The following F5 variants were observed in gnomAD, a reference collection of about 807,000 sequenced individuals.
The protein encoded by F5 is coagulation factor V.
F5 carries 138 observed loss-of-function variants against 216.4 expected under a neutral mutation model. The ratio of observed to expected loss-of-function variants is 0.64; its 90% confidence interval spans 0.56 to 0.73. The LOEUF (loss-of-function observed/expected upper bound fraction) is 0.73, where lower values mean the gene tolerates loss of function less well. Ranked by LOEUF, F5 falls within the 30% of genes least tolerant of loss-of-function variation. The pLI is 0.00. For missense variants in F5, 2,403 were observed against 2,674.0 expected (o/e 0.90, Z 2.24); for synonymous variants, 916 against 930.7 (o/e 0.98, Z 0.29).
chr1:169,556,634 A>G lies in F5; in HGVS notation c.952+12T>C, dbSNP rs751319450. On this transcript the variant is annotated intron_variant, in intron 6 of 24. Transcript: ENST00000367797. The stretch of plus-strand genomic sequence containing the variant: ...TGCATTGAGAAGCAAGACTGTCAGG[A>G]GAGTTTCTTGCCTTGCAAATGTTTT... 13 of 1,611,618 alleles carry G rather than the reference A, an allele frequency of 8.1e-6. No individual in the cohort carries two copies. Among genetic ancestry groups the G allele is most frequent in the Non-Finnish European group, 1.1e-5 (13 of 1,177,982 alleles).
At position 169,514,409 on chromosome 1, in the gene F5, G is replaced by T. The variant is rs745340966; in HGVS notation, c.6579C>A (p.Asn2193Lys). The T allele has an allele frequency of 1.9e-6, 3 of 1,613,090 alleles. No individual in the cohort carries two copies. The highest frequency in any genetic ancestry group is 2.7e-5 in the African/African-American group (2 of 74,846). The change falls in exon 25 of 25, where the codon AAC becomes AAA. Residue 2193 changes from asparagine (N) to lysine (K), a missense_variant. Asn to Lys is a moderately conservative substitution (Grantham distance 94, BLOSUM62 0). Around this residue, in one of 4 missense-constraint regions of F5, gnomAD observed 659 missense variants for 787.9 expected, o/e 0.84. Coordinates refer to ENST00000367797, the MANE Select transcript of F5 (RefSeq NM_000130.5). ...NTKGHVKNFF[N>K]PPIISRFIRV... Reference sequence around the variant, plus strand: ...GGATAAACCTGGAAATGATTGGGGGGTTGAAAAAGTTCTTCACATGTCCTT... The same window carrying T: ...GGATAAACCTGGAAATGATTGGGGGTTTGAAAAAGTTCTTCACATGTCCTT...
At chr1:169,569,995 C>T (rs868857533) in intron 3 of F5, among the ~76,000 whole-genome samples, 1 of 152,138 alleles carries the variant, frequency 6.6e-6, no homozygotes, top group Middle Eastern at 3.4e-3. Context: ...ATAATAAAAT[C>T]AACTTATAAG....
intron 4 of F5, 104 bp downstream of exon 4, chr1:169,560,450 G>T: frequency 9.4e-7 from 1 of 1,063,566 alleles, no homozygotes; most frequent in Non-Finnish European, 1.4e-6. Flanking sequence ...TCCTCTGCTT[G>T]ATGTACAAGA....
At chr1:169,534,360 T>C (rs1009316506) in intron 14 of F5, among the ~76,000 whole-genome samples, 3 of 152,100 alleles carry the variant, frequency 2.0e-5, no homozygotes, top group Non-Finnish European at 2.9e-5. Context: ...ACTGGGTATA[T>C]AGCCAAAAAA....
At chr1:169,520,461 C>G in intron 22 of F5, 59 bp downstream of exon 22, 2 of 1,605,410 alleles carry the variant, frequency 1.2e-6, no homozygotes, top group South Asian at 2.2e-5. Context: ...TTCTCCTATA[C>G]CTCCCAAATC....
In F5 at chr1:169,550,676, G is replaced by T; in HGVS notation, c.1360C>A (p.Pro454Thr). Reference protein sequence around the residue: ...SIYPHGVTFSPYEDEVNSSFT... With the variant: ...SIYPHGVTFSTYEDEVNSSFT... ...GAAGAGTTGACTTCATCTTCATAAG[G>T]CGAGAAGGTCACTCCATGAGGGTAA... Residue 454 changes from proline (P) to threonine (T), a missense_variant, in exon 9 of 25, where the codon CCT becomes ACT. Pro to Thr is a conservative substitution (Grantham distance 38). Transcript: ENST00000367797. 6.2e-7 allele frequency: 1 copy of T among 1,614,012 alleles called. No homozygotes were observed. Among genetic ancestry groups the T allele is most frequent in the African/African-American group, 1.3e-5 (1 of 75,018 alleles).
In F5 at chr1:169,541,728, A is replaced by C; in HGVS notation, c.3362T>G (p.Val1121Gly). The C allele has an allele frequency of 3.7e-6, 6 of 1,614,026 alleles. No individual in the cohort carries two copies. The highest frequency in any genetic ancestry group is 5.1e-6 in the Non-Finnish European group (6 of 1,179,974). The stretch of plus-strand genomic sequence containing the variant: ...TGTTTGATAGTGTTCCTCTGGGGGC[A>C]CTGTCTGATAAAGACCTGGAGGACA... ...ASCPPGLYQT[V>G]PPEEHYQTFP... Residue 1121 changes from valine to glycine, a missense_variant, in exon 13 of 25, where the codon GTG becomes GGG. Transcript: ENST00000367797.
In F5 at chr1:169,549,837, G is replaced by C; in HGVS notation, c.1575C>G (p.Ile525Met). The change falls in exon 10 of 25, where the codon ATC becomes ATG. Residue 525 changes from isoleucine (I) to methionine (M), a missense_variant. Coordinates refer to ENST00000367797, the MANE Select transcript of F5 (RefSeq NM_000130.5). ...GCCTGTCCAGGGATCTGCTCTTACA[G>C]ATTAGAAGTAGTCCTATTAGCCCAG... The part of the protein sequence containing the change: ...IASGLIGLLL[I>M]CKSRSLDRRG... The C allele has an allele frequency of 6.2e-7, 1 of 1,614,044 alleles. No individual in the cohort carries two copies. Among genetic ancestry groups the C allele is most frequent in the Non-Finnish European group, 8.5e-7 (1 of 1,179,938 alleles).
intron 1 of F5, among the ~76,000 whole-genome samples, chr1:169,585,691 A>T (rs967439556): frequency 2.0e-5 from 3 of 152,364 alleles, no homozygotes; most frequent in East Asian, 3.9e-4. Flanking sequence ...AGGTGAAAGT[A>T]CAAAAACATA....
At chr1:169,548,837 C>A in intron 10 of F5, among the ~76,000 whole-genome samples, 1 of 150,874 alleles carries the variant, frequency 6.6e-6, no homozygotes, top group African/African-American at 2.4e-5. Context: ...CCACTGCTCT[C>A]CAGCCTGGGT....
chr1:169,524,791 A>C, intron 19 of F5, 46 bp downstream of exon 19: 1 of 1,476,358 alleles, frequency 6.8e-7, no homozygotes, highest in Non-Finnish European at 9.5e-7. Flanking sequence ...TGCATGCTGC[A>C]CAACTGTAGG....
At position 169,586,327 on chromosome 1, in the gene F5, G is replaced by C. The variant is rs1341325135; in HGVS notation, c.60C>G (p.Gly20=). 16 of 1,613,910 alleles carry C rather than the reference G, an allele frequency of 9.9e-6. No individual in the cohort carries two copies. The highest frequency in any genetic ancestry group is 1.3e-5 in the African/African-American group (1 of 74,920). ...VLVVLGTSWV[G]WGSQGTEAAQ... is the part of the protein sequence containing the mutation. ...CCGCTTCTGTCCCTTGGCTCCCCCA[G>C]CCTACCCAGCTGGTGCCCAAGACCA... The change falls in exon 1 of 25, where the codon GGC becomes GGG. Residue 20 remains glycine (G), a synonymous_variant. Transcript: ENST00000367797.
At chr1:169,548,873 GA>G (rs375498661) in intron 10 of F5, among the ~76,000 whole-genome samples, 41,297 of 104,610 alleles carry the variant, frequency 0.39, 5,637 homozygotes, top group Admixed American at 0.52. Context: ...TGTCTCAAAA[GA>G]AAAAAAAAAA....
At chr1:169,559,320 C>A in intron 4 of F5, 24 bp from the exon 5 acceptor site, 1 of 1,613,062 alleles carries the variant, frequency 6.2e-7, no homozygotes, top group Non-Finnish European at 8.5e-7. Flanking sequence ...GACATGTTTT[C>A]AGTAGCACTG....
rs1160054226 is a variant in F5, at chr1:169,513,043, A to C, written c.*1270T>G. 6.6e-6 allele frequency among the ~76,000 whole-genome samples: 1 copy of C among 151,868 alleles called. No homozygotes were observed. The highest frequency in any genetic ancestry group is 2.4e-5 in the African/African-American group (1 of 41,334). On this transcript the variant is annotated 3_prime_UTR_variant, in exon 25 of 25. Transcript: ENST00000367797. The stretch of plus-strand genomic sequence containing the variant: ...ATTTACCCAGTAGTCATTCAGGAGC[A>C]GGTTGTTCAGTTTCCATGTAGTTGT...
At chr1:169,561,012 A>G (rs1660471612) in intron 3 of F5, among the ~76,000 whole-genome samples, 2 of 152,192 alleles carry the variant, frequency 1.3e-5, no homozygotes, top group African/African-American at 4.8e-5. Context: ...TAGCAAGTTA[A>G]TTTTCCAGGG....
At chr1:169,535,947 G>A (rs1438763343) in intron 14 of F5, among the ~76,000 whole-genome samples, 6 of 152,128 alleles carry the variant, frequency 3.9e-5, no homozygotes, top group Non-Finnish European at 7.4e-5. Flanking sequence ...AATGGCGGAA[G>A]TAAACTTTGT....
rs765088690 is a variant in F5 at position 169,555,193 on chromosome 1, C to T, written c.1107G>A (p.Ala369=). ...CCCCAACAACTCACTTGTCCATATT[C>T]GCTGGTATTACAGGTGCATAGTCCC... is the stretch of plus-strand genomic sequence containing the variant. ...VIWDYAPVIP[A]NMDKKYRSQH... Residue 369 remains alanine, a synonymous_variant, in exon 7 of 25, where the codon GCG becomes GCA. Coordinates refer to ENST00000367797, the MANE Select transcript of F5 (RefSeq NM_000130.5). 2.5e-6 allele frequency: 4 copies of T among 1,614,066 alleles called. No homozygotes were observed. The highest frequency in any genetic ancestry group is 2.2e-5 in the East Asian group (1 of 44,874).
chr1:169,565,582 G>A (rs368834526), intron 3 of F5, among the ~76,000 whole-genome samples: 10 of 152,214 alleles, frequency 6.6e-5, no homozygotes, highest in South Asian at 2.1e-4. Context: ...TTAAACATCC[G>A]GAGAAATTAT....
Sources: gnomAD v4.1 joint callset for allele counts (sites outside exome capture counted in the v4.1 genomes callset) on GRCh38, gnomAD v4.1.1 for gene constraint, gnomAD v4.1.1 regional missense constraint, MANE v1.5 for transcripts, NCBI Gene and HGNC (gene_info 2026-07-23, HGNC 2026-07-21) for gene names.